The following FANCC variants were observed in gnomAD, a reference collection of about 807,000 sequenced individuals.
The protein encoded by FANCC is FA complementation group C.
FANCC carries 55 observed loss-of-function variants against 71.3 expected under a neutral mutation model. The ratio of observed to expected loss-of-function variants is 0.77; its 90% confidence interval spans 0.62 to 0.97. The LOEUF is 0.97. Among genes scored for constraint, FANCC ranks in the 50% least tolerant of loss-of-function variants. The pLI is 0.00. For synonymous variants in FANCC, 275 were observed against 244.9 expected (o/e 1.12, Z -1.15); for missense variants, 678 against 670.9 (o/e 1.01, Z -0.12).
At chr9:95,250,948 C>G (rs1831293348) in intron 1 of FANCC, among the ~76,000 whole-genome samples, 2 of 152,214 alleles carry the variant, frequency 1.3e-5, no homozygotes, top group Non-Finnish European at 1.5e-5. Flanking sequence ...GTAGATACTC[C>G]CAGCTGCTTG....
chr9:95,286,374 G>A (rs1366131318), intron 1 of FANCC, among the ~76,000 whole-genome samples: 1 of 152,202 alleles, frequency 6.6e-6, no homozygotes, highest in Non-Finnish European at 1.5e-5. Flanking sequence ...GATGTCTGGT[G>A]TAGGGGCTTC....
In FANCC at chr9:95,108,766, G is replaced by A. The variant is rs1031613959; in HGVS notation, c.1330-1497C>T. Among the ~76,000 whole-genome samples the A allele has an allele frequency of 9.2e-5, 14 of 152,020 alleles. No homozygotes were observed. In the South Asian group the frequency reaches 1.9e-3, roughly 20 times the overall value. The stretch of plus-strand genomic sequence containing the variant: ...CAAAAAGACTCACTGTTAATAATTC[G>A]GTTTATATACTTCTTGTCTTTTTTC... On this transcript the variant is annotated intron_variant, in intron 13 of 14. Transcript: ENST00000289081.
chr9:95,228,526 T>C (rs913327193), intron 4 of FANCC, among the ~76,000 whole-genome samples: 1 of 152,222 alleles, frequency 6.6e-6, no homozygotes, highest in Non-Finnish European at 1.5e-5. Flanking sequence ...ACTGAACGCT[T>C]ACTGTGTGCC....
At position 95,172,086 on chromosome 9, in the gene FANCC, T is replaced by G. The variant is rs1180924540; in HGVS notation, c.407A>C (p.Gln136Pro). 3.5e-5 allele frequency: 57 copies of G among 1,613,330 alleles called. No individual in the cohort carries two copies. The highest frequency in any genetic ancestry group is 4.8e-5 in the Non-Finnish European group (57 of 1,179,514). ...ATCTATAGGTGCATACCCAAGACCT[T>G]GAGTGAAAAGAGCAACTTCTTTATC... ...RFDKEVALFT[Q>P]GLGYAPIDYY... is the part of the protein sequence containing the mutation. Residue 136 changes from glutamine to proline, a missense_variant, in exon 5 of 15, where the codon CAA becomes CCA. By Grantham distance (76) the Gln-to-Pro change is moderately conservative. Coordinates refer to ENST00000289081, the MANE Select transcript of FANCC (RefSeq NM_000136.3).
chr9:95,166,462 A>G (rs1234355264), intron 6 of FANCC, among the ~76,000 whole-genome samples: 3 of 152,144 alleles, frequency 2.0e-5, no homozygotes, highest in Non-Finnish European at 4.4e-5. Context: ...GATAACTTCA[A>G]TCACATACTA....
chr9:95,183,228 G>A (rs1826486986), intron 4 of FANCC, among the ~76,000 whole-genome samples: 1 of 152,218 alleles, frequency 6.6e-6, no homozygotes, highest in Admixed American at 6.5e-5. Flanking sequence ...TGGGCAAGAT[G>A]TTGTTCTGGA....
At chr9:95,188,012 G>A (rs983804507) in intron 4 of FANCC, among the ~76,000 whole-genome samples, 8 of 151,198 alleles carry the variant, frequency 5.3e-5, no homozygotes, top group African/African-American at 1.2e-4. Flanking sequence ...CATGTAAATC[G>A]CCCGGCTAGA....
At chr9:95,114,759 C>A in intron 11 of FANCC, 49 bp from the exon 12 acceptor site, 1 of 1,542,062 alleles carries the variant, frequency 6.5e-7, no homozygotes, top group Non-Finnish European at 9.0e-7. Context: ...AAATGTCAAG[C>A]CCATGAGGAA....
rs2134922845 is a variant in FANCC, at chr9:95,125,131, C to T, written c.951G>A (p.Val317=). The T allele has an allele frequency of 1.2e-6, 2 of 1,614,236 alleles. No homozygotes were observed. Among genetic ancestry groups the T allele is most frequent in the Non-Finnish European group, 1.7e-6 (2 of 1,180,036 alleles). Residue 317 remains valine, a synonymous_variant, in exon 10 of 15, where the codon GTG becomes GTA. Coordinates refer to ENST00000289081, the MANE Select transcript of FANCC (RefSeq NM_000136.3). The stretch of plus-strand genomic sequence containing the variant: ...GAGCTTCTACAAAGCACTGCGTAAA[C>T]ACCTGAATAGTGGCTATGATTTCCA... The part of the protein sequence containing the change: ...GALEIIATIQ[V]FTQCFVEALE...
At chr9:95,204,952 T>G (rs1564750423) in intron 4 of FANCC, among the ~76,000 whole-genome samples, 1 of 152,188 alleles carries the variant, frequency 6.6e-6, no homozygotes, top group South Asian at 2.1e-4. Flanking sequence ...CCAGCAATTT[T>G]TGTCTTAAAT....
chr9:95,219,122 C>T (rs1829065186), intron 4 of FANCC, among the ~76,000 whole-genome samples: 1 of 152,126 alleles, frequency 6.6e-6, no homozygotes, highest in South Asian at 2.1e-4. Flanking sequence ...TGCTGGGACA[C>T]TTTGGATCTC....
chr9:95,177,109 T>G (rs1045315211), intron 4 of FANCC, among the ~76,000 whole-genome samples: 4 of 152,232 alleles, frequency 2.6e-5, no homozygotes, highest in Non-Finnish European at 5.9e-5. Context: ...TTAGGCAGTT[T>G]CTTTGCGTGC....
At chr9:95,123,858 AGCC>A in intron 10 of FANCC, 20 of 599,424 alleles carry the variant, frequency 3.3e-5, no homozygotes, top group South Asian at 5.8e-5. Context: ...CCCCCACCAA[AGCC>A]CACGTAAGGA....
At chr9:95,117,801 G>A (rs150905903) in intron 10 of FANCC, among the ~76,000 whole-genome samples, 9 of 147,412 alleles carry the variant, frequency 6.1e-5, no homozygotes, top group Admixed American at 2.8e-4. Context: ...TCAGCTCACC[G>A]CAACCTCTGG....
chr9:95,306,373 T>C (rs1440650803), intron 1 of FANCC, among the ~76,000 whole-genome samples: 4 of 152,162 alleles, frequency 2.6e-5, no homozygotes. Context: ...AAGCAGAAAC[T>C]GGTTGGGCAG....
At chr9:95,314,739 C>A (rs1253437520) in intron 1 of FANCC, among the ~76,000 whole-genome samples, 2 of 151,750 alleles carry the variant, frequency 1.3e-5, no homozygotes, top group African/African-American at 4.8e-5. Flanking sequence ...ACAATACCAT[C>A]AAAAATAAAA....
chr9:95,245,092 C>T (rs1830882156), intron 3 of FANCC, among the ~76,000 whole-genome samples: 1 of 152,138 alleles, frequency 6.6e-6, no homozygotes. Context: ...CCACGATGTA[C>T]ATTTAAAGGA....
intron 4 of FANCC, among the ~76,000 whole-genome samples, chr9:95,218,440 C>T (rs965158155): frequency 3.9e-5 from 6 of 151,948 alleles, no homozygotes; most frequent in Admixed American, 1.3e-4. Flanking sequence ...CTCCAGCCTG[C>T]GCAACAGAAG....
intron 12 of FANCC, among the ~76,000 whole-genome samples, chr9:95,112,151 C>A (rs1295937175): frequency 6.6e-6 from 1 of 152,248 alleles, no homozygotes; most frequent in Non-Finnish European, 1.5e-5. Context: ...GTTTGTGAAG[C>A]TATCCCCTCG....
Sources: allele counts gnomAD v4.1 joint callset (sites outside exome capture counted in the v4.1 genomes callset), GRCh38; gene constraint gnomAD v4.1.1; transcripts MANE v1.5; gene names NCBI Gene and HGNC (gene_info 2026-07-23, HGNC 2026-07-21).